Variants in USP44 observed in about 807,000 individuals in gnomAD.
USP44 encodes ubiquitin specific peptidase 44, also known as ubiquitin carboxyl-terminal hydrolase 44.
In USP44, 61 loss-of-function variants were observed where a neutral mutation model predicts 69.0. The observed-to-expected ratio is 0.88, with a 90% CI of 0.72 to 1.09. USP44 has a LOEUF of 1.09. Ranked by LOEUF, USP44 falls within the 50% of genes least tolerant of loss-of-function variation. USP44 has a pLI of 0.00. For synonymous variants in USP44, 297 were observed against 295.4 expected, an observed-to-expected ratio of 1.01 and a Z score of -0.06; for missense variants, 753 against 849.9, an observed-to-expected ratio of 0.89 and a Z score of 1.42.
At chr12:95,520,007 C>CAAAA (rs56348745) in intron 5 of USP44, among the ~76,000 whole-genome samples, 456 of 34,540 alleles carry the variant, frequency 0.013, 40 homozygotes, top group East Asian at 0.027. Context: ...GACTCTGTCT[C>CAAAA]AAAAAAAAAA....
chr12:95,545,962 T>C (rs183202805), intron 1 of USP44, among the ~76,000 whole-genome samples: 32 of 152,324 alleles, frequency 2.1e-4, no homozygotes, highest in African/African-American at 6.5e-4. Context: ...CCCTTTTCCC[T>C]TGGGCCTTCC....
At chr12:95,544,462 T>C (rs1032793749) in intron 1 of USP44, among the ~76,000 whole-genome samples, 1 of 152,198 alleles carries the variant, frequency 6.6e-6, no homozygotes, top group Non-Finnish European at 1.5e-5. Flanking sequence ...GATACAGCTG[T>C]AAGCCCTGGA....
At chr12:95,528,203 T>C (rs2076912808) in intron 3 of USP44, among the ~76,000 whole-genome samples, 1 of 152,204 alleles carries the variant, frequency 6.6e-6, no homozygotes, top group African/African-American at 2.4e-5. Context: ...TGTGCTCTCC[T>C]CCATTAGAGC....
At position 95,548,815 on chromosome 12, in the gene USP44, C is replaced by CG; in HGVS notation, c.-71+2456dup. On this transcript the variant is annotated intron_variant, in intron 1 of 5. Coordinates refer to ENST00000258499, the MANE Select transcript of USP44 (RefSeq NM_032147.5). This position sits in a 1 kb window ranked among gnomAD's most constrained non-coding sequence, Gnocchi z 4.1. ...CATCTTAGCGCTCACCCCGGCCCCC[C>CG]GCCCCCCGGTTCGGCGGCCGCGACG... 6.6e-6 allele frequency: 1 copy of CG among 152,132 alleles called. No individual in the cohort carries two copies. Among genetic ancestry groups the CG allele is most frequent in the African/African-American group, 2.4e-5 (1 of 41,536 alleles). The allele number at this position is 152,132 out of a possible 1,614,324, so 9.4% of individuals were successfully genotyped here.
At chr12:95,525,283 G>A (rs1205130599) in intron 3 of USP44, among the ~76,000 whole-genome samples, 1 of 152,088 alleles carries the variant, frequency 6.6e-6, no homozygotes, top group African/African-American at 2.4e-5. Flanking sequence ...TGTTGGCCAG[G>A]CTGGTCTCGA....
intron 1 of USP44, among the ~76,000 whole-genome samples, chr12:95,550,532 C>T (rs2077706818): frequency 6.6e-6 from 1 of 152,190 alleles, no homozygotes; most frequent in Admixed American, 6.5e-5. Context: ...TACATGAGGG[C>T]ATCTCTTAAG....
Position 95,518,231 on chromosome 12 carries a change from A to G in USP44, c.2062T>C (p.Leu688=). ...RVTENGHSKL[L]PPELLLGSQH... ...CTCCCCAACAGGAGCTCTGGAGGCA[A>G]AAGTTTAGAATGTCCATTCTCAGTA... Residue 688 remains leucine (L), a synonymous_variant, in exon 6 of 6, where the codon TTG becomes CTG. Transcript: ENST00000258499. The G allele has an allele frequency of 1.2e-6, 2 of 1,614,202 alleles. No individual in the cohort carries two copies. The highest frequency in any genetic ancestry group is 8.5e-7 in the Non-Finnish European group (1 of 1,180,028).
In USP44 at chr12:95,541,966, G is replaced by A. The variant is rs142005287; in HGVS notation, c.-70-7640C>T. Among the ~76,000 whole-genome samples, 879 of 145,240 alleles carry A rather than the reference G, an allele frequency of 6.1e-3. 8 individuals carry two copies. The highest frequency in any genetic ancestry group is 0.021 in the African/African-American group (823 of 38,640). ...GTGATCTTGGCTCACTGCAACTTCC[G>A]TTGTTGCAGGCCCAAGTGATCCTCC... On this transcript the variant is annotated intron_variant, in intron 1 of 5. Coordinates refer to ENST00000258499, the MANE Select transcript of USP44 (RefSeq NM_032147.5).
intron 1 of USP44, among the ~76,000 whole-genome samples, chr12:95,536,365 C>A (rs1418012200): frequency 1.3e-5 from 2 of 152,002 alleles, no homozygotes; most frequent in African/African-American, 4.8e-5. Context: ...GTTTTAAGTG[C>A]ACATTTTAAA....
rs117611493 is a variant in USP44 at position 95,527,211 on chromosome 12, C to T, written c.1624+1596G>A. ...CCAGGTTCAGGTGATTCTCCTGCCT[C>T]GGCCTCTTGAATAGCTGGGATTACA... On this transcript the variant is annotated intron_variant, in intron 3 of 5. Coordinates refer to ENST00000258499, the MANE Select transcript of USP44 (RefSeq NM_032147.5). Among the ~76,000 whole-genome samples, 139 of 151,952 alleles carry T rather than the reference C, an allele frequency of 9.1e-4. 1 individual carries two copies. The East Asian group carries it at 0.025, about 27-fold the overall frequency.
intron 5 of USP44, among the ~76,000 whole-genome samples, chr12:95,519,135 T>G: frequency 6.6e-6 from 1 of 152,204 alleles, no homozygotes; most frequent in African/African-American, 2.4e-5. Context: ...CCAGGAATTA[T>G]GGTGATGCCA....
chr12:95,539,526 C>T (rs955725080), intron 1 of USP44, among the ~76,000 whole-genome samples: 5 of 152,056 alleles, frequency 3.3e-5, no homozygotes, highest in Admixed American at 2.0e-4. Context: ...GCGCCCGGCC[C>T]AATGAAATGG....
intron 3 of USP44, among the ~76,000 whole-genome samples, chr12:95,528,138 C>T (rs1403437660): frequency 6.6e-6 from 1 of 152,218 alleles, no homozygotes; most frequent in African/African-American, 2.4e-5. Flanking sequence ...TGCACCTGGC[C>T]GAAGACGCTT....
intron 4 of USP44, among the ~76,000 whole-genome samples, chr12:95,523,434 C>T (rs770874542): frequency 8.5e-5 from 13 of 152,162 alleles, no homozygotes; most frequent in Non-Finnish European, 1.9e-4. Flanking sequence ...ACCCAGCTCG[C>T]ATCCACTGCA....
chr12:95,522,845 C>T (rs2076711291), intron 4 of USP44, among the ~76,000 whole-genome samples: 3 of 151,656 alleles, frequency 2.0e-5, no homozygotes, highest in Non-Finnish European at 4.4e-5. Context: ...GCTGGCAACC[C>T]CTAGATAGCT....
rs1027969866 is a variant in USP44, at chr12:95,533,635, T to C, written c.622A>G (p.Met208Val). The C allele has an allele frequency of 4.3e-6, 7 of 1,613,780 alleles. No individual in the cohort carries two copies. The African/African-American group carries it at 5.3e-5, about 12-fold the overall frequency. ...EYQVKAELES[M>V]PPRKSLRLQG... ...AAACGTAAACTCTTTCTTGGAGGCA[T>C]ACTTTCCAATTCTGCTTTAACTTGA... Residue 208 changes from methionine (M) to valine (V), a missense_variant, in exon 2 of 6, where the codon ATG becomes GTG. By Grantham distance (21) the Met-to-Val change is conservative. Coordinates refer to ENST00000258499, the MANE Select transcript of USP44 (RefSeq NM_032147.5).
intron 3 of USP44, among the ~76,000 whole-genome samples, chr12:95,526,497 A>G (rs1162524249): frequency 2.0e-5 from 3 of 152,134 alleles, no homozygotes; most frequent in African/African-American, 4.8e-5. Flanking sequence ...GCCTGAACCC[A>G]GGAGGCGGAG....
intron 1 of USP44, among the ~76,000 whole-genome samples, chr12:95,538,250 T>C (rs1047025043): frequency 1.3e-5 from 2 of 152,216 alleles, no homozygotes; most frequent in African/African-American, 4.8e-5. Context: ...TCAGTTTTCT[T>C]ATCTGTAAAG....
chr12:95,532,675 G>A (rs2077057988), intron 2 of USP44, among the ~76,000 whole-genome samples, 154 bp downstream of exon 2: 1 of 152,044 alleles, frequency 6.6e-6, no homozygotes, highest in Non-Finnish European at 1.5e-5. Flanking sequence ...GGAATTGAGT[G>A]AGCTGATTTC....
Sources: allele counts gnomAD v4.1 joint callset (sites outside exome capture counted in the v4.1 genomes callset), GRCh38; gene constraint gnomAD v4.1.1; non-coding constraint Gnocchi (gnomAD v3.1); transcripts MANE v1.5; gene names NCBI Gene and HGNC (gene_info 2026-07-23, HGNC 2026-07-21).